Variants in SOX5 observed in about 807,000 individuals in gnomAD.
SOX5 encodes transcription factor SOX-5.
Under a neutral mutation model 92.0 loss-of-function variants are expected in SOX5, and 9 were observed. That is an observed-to-expected ratio of 0.10 (90% CI 0.06 to 0.17). SOX5 has a LOEUF of 0.17. Ranked by LOEUF, SOX5 falls within the 10% of genes least tolerant of loss-of-function variation. The pLI is 1.00. For synonymous variants in SOX5, 344 were observed against 336.3 expected, an observed-to-expected ratio of 1.02 and a Z score of -0.25; for missense variants, 642 against 944.5, an observed-to-expected ratio of 0.68 and a Z score of 4.20.
chr12:23,975,789 A>C (rs968384960), intron 4 of SOX5, among the ~76,000 whole-genome samples: 2 of 152,234 alleles, frequency 1.3e-5, no homozygotes, highest in African/African-American at 4.8e-5. Flanking sequence ...AATATGCACT[A>C]TAAGTTTTTC....
intron 1 of SOX5, among the ~76,000 whole-genome samples, chr12:24,418,595 T>G (rs79019187): frequency 6.6e-6 from 1 of 152,198 alleles, no homozygotes; most frequent in Non-Finnish European, 1.5e-5. Context: ...ATTGCTGATA[T>G]ACAGAGGAGA....
intron 1 of SOX5, among the ~76,000 whole-genome samples, 182 bp downstream of exon 1, chr12:23,949,382 C>T (rs988080906): frequency 6.6e-6 from 1 of 152,082 alleles, no homozygotes; most frequent in African/African-American, 2.4e-5. Context: ...GGAGACTTTG[C>T]AAATCAGTTC....
At chr12:24,379,027 A>C (rs1397278564) in intron 1 of SOX5, among the ~76,000 whole-genome samples, 2 of 152,166 alleles carry the variant, frequency 1.3e-5, no homozygotes, top group Admixed American at 1.3e-4. Context: ...CCTACAGCAA[A>C]AGCACACAGC....
At chr12:23,553,506 TG>T (rs1272911647) in intron 11 of SOX5, among the ~76,000 whole-genome samples, 1 of 152,012 alleles carries the variant, frequency 6.6e-6, no homozygotes, top group East Asian at 1.9e-4. Flanking sequence ...GTTATCATGG[TG>T]CTTATGGTGT....
intron 1 of SOX5, among the ~76,000 whole-genome samples, chr12:24,452,872 C>T (rs982596647): frequency 2.0e-5 from 3 of 152,026 alleles, no homozygotes; most frequent in Admixed American, 6.6e-5. Flanking sequence ...CATATTCTTC[C>T]TTTGATTTAT....
rs774687622 is a variant in SOX5 at position 24,202,166 on chromosome 12, GC to G, written c.-2+11176del. On this transcript the variant is annotated intron_variant, in intron 4 of 4. Coordinates refer to the SOX5 transcript ENST00000446891. Reference sequence around the variant, plus strand: ...CGGGGTTTACACAGTGGGTGACAGAGCAAGTTAACAAAATAGGACCCAGTTC... The same window carrying G: ...CGGGGTTTACACAGTGGGTGACAGAGAAGTTAACAAAATAGGACCCAGTTC... 1.1e-3 allele frequency among the ~76,000 whole-genome samples: 170 copies of G among 152,306 alleles called. 1 individual carries two copies. Among genetic ancestry groups the G allele is most frequent in the Middle Eastern group, 6.8e-3 (2 of 294 alleles).
chr12:23,963,765 T>TA lies in SOX5; in HGVS notation c.-1-67742dup, dbSNP rs60053598. ...TGCAGGCAGGCATGCATGAATGAAG[T>TA]AAAAAAAAAAAAAAAAAACTGGAAG... On this transcript the variant is annotated intron_variant, in intron 4 of 4. Coordinates refer to the SOX5 transcript ENST00000446891. Among the ~76,000 whole-genome samples, 385 of 125,832 alleles carry TA rather than the reference T, an allele frequency of 3.1e-3. 11 individuals carry two copies. The highest frequency in any genetic ancestry group is 9.5e-3 in the African/African-American group (318 of 33,424). The allele number at this position is 125,832 out of a possible 152,430, so 82.6% of individuals were successfully genotyped here. A position where few individuals can be genotyped will look rare whatever the true frequency, so the allele number is the denominator to read the frequency against.
rs1326280729 is a variant in SOX5, at chr12:23,642,825, C to T, written c.932-1928G>A. Reference sequence around the variant, plus strand: ...ATTATGGGCCGGGCGCGGTGGCTCACGCCTGTAATCCCAGCACTTTGGGAG... The same window carrying T: ...ATTATGGGCCGGGCGCGGTGGCTCATGCCTGTAATCCCAGCACTTTGGGAG... On this transcript the variant is annotated intron_variant, in intron 7 of 14. Coordinates refer to ENST00000451604, the MANE Select transcript of SOX5 (RefSeq NM_006940.6). Among the ~76,000 whole-genome samples, 13 of 111,256 alleles carry T rather than the reference C, an allele frequency of 1.2e-4. 2 individuals carry two copies. Among genetic ancestry groups the T allele is most frequent in the Non-Finnish European group, 2.0e-4 (9 of 43,976 alleles). The allele number at this position is 111,256 out of a possible 152,430, so 73.0% of individuals were successfully genotyped here. A position where few individuals can be genotyped will look rare whatever the true frequency, so the allele number is the denominator to read the frequency against.
chr12:23,977,312 T>C (rs1949027108), intron 4 of SOX5, among the ~76,000 whole-genome samples: 3 of 152,008 alleles, frequency 2.0e-5, no homozygotes, highest in African/African-American at 7.2e-5. Flanking sequence ...CCCTTCCACC[T>C]CCCAGCCTCC....
intron 6 of SOX5, among the ~76,000 whole-genome samples, chr12:23,670,640 G>C (rs2084621655): frequency 6.6e-6 from 1 of 152,072 alleles, no homozygotes; most frequent in Non-Finnish European, 1.5e-5. Context: ...TGCTTTATGG[G>C]TAGGGAAAGG....
At chr12:23,549,150 A>G (rs529464900) in intron 11 of SOX5, among the ~76,000 whole-genome samples, 2 of 152,158 alleles carry the variant, frequency 1.3e-5, no homozygotes, top group South Asian at 4.1e-4. Flanking sequence ...TTTGATTCTC[A>G]AATTTCTTAT....
chr12:23,718,829 G>A (rs530657748), intron 6 of SOX5, among the ~76,000 whole-genome samples: 19 of 152,300 alleles, frequency 1.2e-4, no homozygotes, highest in African/African-American at 4.3e-4. Flanking sequence ...GAGGAGACGG[G>A]CAATAGGAGA....
intron 3 of SOX5, 95 bp downstream of exon 3, chr12:23,845,888 T>C (rs2096569696): frequency 1.4e-5 from 15 of 1,052,460 alleles, no homozygotes; most frequent in Non-Finnish European, 1.5e-6. Flanking sequence ...CAATTTAACT[T>C]TAAGAGTATA....
intron 4 of SOX5, among the ~76,000 whole-genome samples, chr12:24,163,885 C>A (rs1038519457): frequency 1.3e-5 from 2 of 151,870 alleles, no homozygotes; most frequent in African/African-American, 4.8e-5. Context: ...AGAAAAGCAG[C>A]AGAATGCCCT....
chr12:23,779,474 A>T (rs548573069), intron 3 of SOX5, among the ~76,000 whole-genome samples: 2 of 151,536 alleles, frequency 1.3e-5, no homozygotes, highest in African/African-American at 4.8e-5. Context: ...TAATACACAT[A>T]TTCAAAAATA....
intron 6 of SOX5, among the ~76,000 whole-genome samples, chr12:23,677,937 G>A (rs993782358): frequency 1.3e-5 from 2 of 152,156 alleles, no homozygotes; most frequent in Non-Finnish European, 2.9e-5. Flanking sequence ...TCCTTAAGAT[G>A]TGAAAAATCA....
chr12:24,349,506 A>G (rs1953791728), intron 2 of SOX5, among the ~76,000 whole-genome samples: 1 of 152,198 alleles, frequency 6.6e-6, no homozygotes, highest in African/African-American at 2.4e-5. Flanking sequence ...GGTACCCCAC[A>G]TAAATGGAAT....
At chr12:23,601,963 A>C (rs1367891778) in intron 9 of SOX5, among the ~76,000 whole-genome samples, 6 of 152,154 alleles carry the variant, frequency 3.9e-5, no homozygotes, top group African/African-American at 1.4e-4. Flanking sequence ...GTTACTTGAA[A>C]AGAGGCACTT....
At chr12:24,453,269 TA>T (rs892595593) in intron 1 of SOX5, among the ~76,000 whole-genome samples, 15 of 151,000 alleles carry the variant, frequency 9.9e-5, no homozygotes, top group East Asian at 2.0e-4. Context: ...TTTTTTTCCT[TA>T]AAAAAAAGGC....
Sources: allele counts gnomAD v4.1 joint callset (sites outside exome capture counted in the v4.1 genomes callset), GRCh38; gene constraint gnomAD v4.1.1; transcripts MANE v1.5; gene names NCBI Gene and HGNC (gene_info 2026-07-23, HGNC 2026-07-21).